HHIPL2: variants seen among roughly 807,000 people sequenced by gnomAD.
HHIPL2 encodes HHIP like 2.
Under a neutral mutation model 61.0 loss-of-function variants are expected in HHIPL2, and 61 were observed. That is an observed-to-expected ratio of 1.00 (90% CI 0.81 to 1.24). The LOEUF (loss-of-function observed/expected upper bound fraction) is 1.24. Among genes scored for constraint, HHIPL2 ranks in the 50% most tolerant of loss-of-function variants. The probability of loss-of-function intolerance (pLI) is 0.00; values close to 1 mark genes in which losing one functional copy is unlikely to be tolerated. For missense variants in HHIPL2, 885 were observed against 910.2 expected, an observed-to-expected ratio of 0.97 and a Z score of 0.36; for synonymous variants, 343 against 357.4, an observed-to-expected ratio of 0.96 and a Z score of 0.45.
intron 5 of HHIPL2, among the ~76,000 whole-genome samples, chr1:222,533,253 T>C (rs1402465246): frequency 1.3e-5 from 2 of 151,666 alleles, no homozygotes; most frequent in Admixed American, 6.6e-5. Flanking sequence ...TAGTTCCAGC[T>C]GCTTGGGAGG....
chr1:222,545,626 A>G (rs970373949), intron 1 of HHIPL2, among the ~76,000 whole-genome samples: 1 of 152,128 alleles, frequency 6.6e-6, no homozygotes, highest in Non-Finnish European at 1.5e-5. Flanking sequence ...GAGAACCATC[A>G]CTATGGCACA....
chr1:222,524,397 T>C (rs1659018752), intron 7 of HHIPL2: 1 of 152,086 alleles, frequency 6.6e-6, no homozygotes, highest in Admixed American at 6.6e-5. Context: ...CAAGTCCAGG[T>C]GGGAGGGAAA....
intron 6 of HHIPL2, among the ~76,000 whole-genome samples, chr1:222,529,772 C>G (rs1475714553): frequency 6.6e-6 from 1 of 152,148 alleles, no homozygotes; most frequent in African/African-American, 2.4e-5. Context: ...ATGGGCAGCT[C>G]CACACCAGCC....
In HHIPL2 at chr1:222,532,018, C is replaced by A; in HGVS notation, c.1671G>T (p.Gly557=). 6.2e-7 allele frequency: 1 copy of A among 1,613,730 alleles called. No individual in the cohort carries two copies. Among genetic ancestry groups the A allele is most frequent in the African/African-American group, 1.3e-5 (1 of 75,056 alleles). The change falls in exon 6 of 9, where the codon GGG becomes GGT. Residue 557 remains glycine (G), a synonymous_variant. Coordinates refer to ENST00000343410, the MANE Select transcript of HHIPL2 (RefSeq NM_024746.4). ...LGSTTSCAFP[G]LISTHSKFII... ...TGAACTTGCTATGGGTGCTGATCAG[C>A]CCTGGGAAGGCACAGGACGTGGTGC... is the stretch of plus-strand genomic sequence containing the variant.
Position 222,543,842 on chromosome 1 carries a change from G to A in HHIPL2, c.669C>T (p.Val223=). The change falls in exon 2 of 9, where the codon GTC becomes GTT. Residue 223 remains valine, a synonymous_variant. Transcript: ENST00000343410. ...ANGLRNPVSM[V]HAGDGTHRFF... ...AGCGATGGGTGCCGTCCCCAGCATG[G>A]ACCATGGAGACGGGGTTCCTCAGCC... 6.2e-7 allele frequency: 1 copy of A among 1,614,146 alleles called. No individual in the cohort carries two copies. Among genetic ancestry groups the A allele is most frequent in the Non-Finnish European group, 8.5e-7 (1 of 1,180,020 alleles).
At position 222,542,092 on chromosome 1, in the gene HHIPL2, C is replaced by G. The variant is rs1659444465; in HGVS notation, c.1038G>C (p.Leu346=). The stretch of plus-strand genomic sequence containing the variant: ...CAGTGAATATGTACATATAGCCATC[C>G]AGGCCAAAAAGAAGTTGTCCGCCAT... ...NHNGGQLLFG[L]DGYMYIFTGD... Residue 346 remains leucine, a synonymous_variant, in exon 3 of 9, where the codon CTG becomes CTC. Coordinates refer to ENST00000343410, the MANE Select transcript of HHIPL2 (RefSeq NM_024746.4). 1.2e-6 allele frequency: 2 copies of G among 1,614,008 alleles called. No individual in the cohort carries two copies. Among genetic ancestry groups the G allele is most frequent in the Non-Finnish European group, 8.5e-7 (1 of 1,180,000 alleles).
At chr1:222,526,408 T>A (rs1324486416) in intron 7 of HHIPL2, among the ~76,000 whole-genome samples, 84 of 130,612 alleles carry the variant, frequency 6.4e-4, no homozygotes, top group African/African-American at 1.8e-3. Flanking sequence ...AGAAGCATAT[T>A]AAAAAAAAAA....
intron 8 of HHIPL2, 98 bp downstream of exon 8, chr1:222,523,514 A>T: frequency 1.8e-6 from 2 of 1,094,004 alleles, no homozygotes; most frequent in Non-Finnish European, 2.8e-6. Context: ...CTCAGGGGGT[A>T]ACTAAGACTC....
chr1:222,538,244 G>GTGTGTGTA (rs1553270691), intron 5 of HHIPL2, among the ~76,000 whole-genome samples: 2 of 148,700 alleles, frequency 1.3e-5, no homozygotes, highest in Admixed American at 6.8e-5. Flanking sequence ...GTGTGTGTGT[G>GTGTGTGTA]TGTGTATGTA....
At chr1:222,543,435 A>T in intron 2 of HHIPL2, 102 bp downstream of exon 2, 1 of 1,139,406 alleles carries the variant, frequency 8.8e-7, no homozygotes, top group Non-Finnish European at 1.3e-6. Flanking sequence ...CAGTTCGAGT[A>T]GTGCTCTAAA....
chr1:222,528,577 C>T (rs959711390), intron 6 of HHIPL2, among the ~76,000 whole-genome samples: 12 of 151,984 alleles, frequency 7.9e-5, no homozygotes, highest in Non-Finnish European at 1.6e-4. Flanking sequence ...ACTACACTCC[C>T]AGTGCAGTAG....
At chr1:222,540,383 G>A in intron 3 of HHIPL2, 42 bp from the exon 4 acceptor site, 1 of 1,526,708 alleles carries the variant, frequency 6.6e-7, no homozygotes, top group South Asian at 1.2e-5. Flanking sequence ...GGTAAGCAAG[G>A]AAAGCCACAG....
At chr1:222,525,488 A>G (rs1214170626) in intron 7 of HHIPL2, among the ~76,000 whole-genome samples, 1 of 152,114 alleles carries the variant, frequency 6.6e-6, no homozygotes, top group Non-Finnish European at 1.5e-5. Flanking sequence ...TTCCGAGAAC[A>G]CACAAACTGA....
At chr1:222,536,685 G>A (rs546222610) in intron 5 of HHIPL2, among the ~76,000 whole-genome samples, 1 of 152,114 alleles carries the variant, frequency 6.6e-6, no homozygotes, top group Non-Finnish European at 1.5e-5. Context: ...AAAAACTATA[G>A]TTCACTATTC....
At chr1:222,545,262 C>T (rs1470314556) in intron 1 of HHIPL2, among the ~76,000 whole-genome samples, 14 of 152,178 alleles carry the variant, frequency 9.2e-5, no homozygotes, top group Admixed American at 9.2e-4. Context: ...AGCCAGCCAG[C>T]CTGTGCAGAA....
chr1:222,539,882 C>A, intron 4 of HHIPL2, 128 bp downstream of exon 4: 1 of 751,960 alleles, frequency 1.3e-6, no homozygotes. Flanking sequence ...AGAAGCACTA[C>A]ACCACAGGAC....
chr1:222,543,433 G>T, intron 2 of HHIPL2, 104 bp downstream of exon 2: 1 of 1,139,792 alleles, frequency 8.8e-7, no homozygotes, highest in Non-Finnish European at 1.3e-6. Flanking sequence ...AACAGTTCGA[G>T]TAGTGCTCTA....
At chr1:222,538,847 T>G in intron 4 of HHIPL2, 73 bp from the exon 5 acceptor site, 3 of 1,516,186 alleles carry the variant, frequency 2.0e-6, no homozygotes, top group Non-Finnish European at 2.7e-6. Context: ...AGAAGGGGAC[T>G]TTTTAATGCA....
chr1:222,544,101 C>G lies in HHIPL2; in HGVS notation c.410G>C (p.Cys137Ser). ...RNLPGLCSDYCSAFHSNCHSA... is the reference protein window; with the variant it reads ...RNLPGLCSDYSSAFHSNCHSA... ...GTGACAGTTAGAATGGAAGGCAGAG[C>G]AGTAATCAGAGCAGAGGCCCGGGAG... is the stretch of plus-strand genomic sequence containing the variant. The change falls in exon 2 of 9, where the codon TGC (cysteine) becomes TCC (serine). Residue 137 changes from cysteine to serine, a missense_variant. Transcript: ENST00000343410. 6.2e-7 allele frequency: 1 copy of G among 1,614,062 alleles called. No homozygotes were observed. Among genetic ancestry groups the G allele is most frequent in the Non-Finnish European group, 8.5e-7 (1 of 1,180,028 alleles).
Sources: gnomAD v4.1 joint callset for allele counts (sites outside exome capture counted in the v4.1 genomes callset) on GRCh38, gnomAD v4.1.1 for gene constraint, MANE v1.5 for transcripts, NCBI Gene and HGNC (gene_info 2026-07-23, HGNC 2026-07-21) for gene names.